The following CA4 variants were observed in gnomAD, a reference collection of about 807,000 sequenced individuals.
CA4 encodes carbonic anhydrase 4, also known as CA-IV.
A neutral mutation model predicts 34.5 loss-of-function variants in CA4; 24 were observed. The ratio of observed to expected loss-of-function variants is 0.70; its 90% CI spans 0.50 to 0.98. The LOEUF is 0.98. Ranked by LOEUF, CA4 falls within the 50% of genes least tolerant of loss-of-function variation. The pLI is 0.00. For synonymous variants in CA4, 178 were observed against 170.6 expected (o/e 1.04, Z -0.34); for missense variants, 394 against 396.7 (o/e 0.99, Z 0.06).
chr17:60,172,961 T>G (rs952212688), downstream of CA4, among the ~76,000 whole-genome samples: 1 of 151,954 alleles, frequency 6.6e-6, no homozygotes, highest in African/African-American at 2.4e-5. Context: ...CTGACCAACA[T>G]GGAGAAACCC....
In CA4 at chr17:60,157,749, C is replaced by T; in HGVS notation, c.474C>T (p.Asp158=). ...CGAGGAATGTGAAAGAGGCCCAGGACCCTGAAGACGAAATTGCGGTGCTGG... is the reference window on the plus strand; with the variant it reads ...CGAGGAATGTGAAAGAGGCCCAGGATCCTGAAGACGAAATTGCGGTGCTGG... ...GTSRNVKEAQ[D]PEDEIAVLAF... The change falls in exon 5 of 8, where the codon GAC becomes GAT. Residue 158 remains aspartate (D), a synonymous_variant. Transcript: ENST00000300900. The T allele has an allele frequency of 1.2e-6, 2 of 1,614,078 alleles. No individual in the cohort carries two copies. The highest frequency in any genetic ancestry group is 2.2e-5 in the South Asian group (2 of 91,092).
intron 1 of CA4, among the ~76,000 whole-genome samples, chr17:60,150,717 C>A (rs1030992510): frequency 2.1e-5 from 3 of 145,510 alleles, no homozygotes; most frequent in Admixed American, 6.8e-5. Context: ...CGCCTCAACG[C>A]ACGCCTTCTT....
chr17:60,177,353 T>C, the CA4 span, among the ~76,000 whole-genome samples: 1 of 152,236 alleles, frequency 6.6e-6, no homozygotes, highest in Non-Finnish European at 1.5e-5. Context: ...CTATTTTATT[T>C]ACACTCTATT....
chr17:60,172,736 TGGC>T (rs973814210), downstream of CA4, among the ~76,000 whole-genome samples: 1 of 151,864 alleles, frequency 6.6e-6, no homozygotes, highest in Non-Finnish European at 1.5e-5. Context: ...CCCAACTACT[TGGC>T]AGGCTGAGGC....
chr17:60,155,413 A>T (rs916143542), intron 2 of CA4, 46 bp downstream of exon 2: 1 of 1,525,052 alleles, frequency 6.6e-7, no homozygotes, highest in African/African-American at 1.4e-5. Context: ...CATGGTGGGC[A>T]CCACGCAAGC....
chr17:60,171,281 C>G (rs981902690), downstream of CA4, among the ~76,000 whole-genome samples: 14 of 152,248 alleles, frequency 9.2e-5, 1 homozygote, highest in Admixed American at 3.9e-4. Flanking sequence ...ATTTGCAGCT[C>G]TGTGCTGCAG....
downstream of CA4, among the ~76,000 whole-genome samples, chr17:60,163,541 G>A (rs1598002943): frequency 2.0e-5 from 3 of 152,160 alleles, no homozygotes; most frequent in East Asian, 1.9e-4. Context: ...CCTGCACCTC[G>A]CACTACACAT....
intron 1 of CA4, among the ~76,000 whole-genome samples, chr17:60,150,580 C>G (rs1012782361): frequency 4.8e-5 from 7 of 146,842 alleles, no homozygotes; most frequent in South Asian, 2.1e-4. Flanking sequence ...GGCTGAGGCC[C>G]GAGAATCGCT....
chr17:60,159,214 C>T lies in CA4; in HGVS notation c.745-16C>T. On this transcript the variant is annotated splice_polypyrimidine_tract_variant and intron_variant, in intron 7 of 7. Transcript: ENST00000300900. ...CTCCCCCTGCCCCGACCTGCTGAGC[C>T]CCATCACTTCCGCAGATCCTGGCAT... The T allele has an allele frequency of 6.3e-7, 1 of 1,586,772 alleles. No individual in the cohort carries two copies. Among genetic ancestry groups the T allele is most frequent in the Non-Finnish European group, 8.6e-7 (1 of 1,166,774 alleles).
intron 5 of CA4, among the ~76,000 whole-genome samples, chr17:60,166,179 A>G (rs2145302251): frequency 6.6e-6 from 1 of 152,264 alleles, no homozygotes; most frequent in East Asian, 1.9e-4. Context: ...GGCAGCTGGG[A>G]GGGCATTGGA....
At chr17:60,170,215 G>T (rs2083900485) in intron 5 of CA4, among the ~76,000 whole-genome samples, 1 of 152,204 alleles carries the variant, frequency 6.6e-6, no homozygotes, top group South Asian at 2.1e-4. Flanking sequence ...GAAAGGCCAG[G>T]AAGGAAAAGG....
intron 1 of CA4, among the ~76,000 whole-genome samples, chr17:60,150,333 G>C (rs961518040): frequency 6.6e-6 from 1 of 152,198 alleles, no homozygotes; most frequent in East Asian, 1.9e-4. Flanking sequence ...GCGCGGTGAG[G>C]GTGTGTGCGC....
At chr17:60,155,815 TAAA>T (rs1192557832) in intron 2 of CA4, among the ~76,000 whole-genome samples, 1 of 152,204 alleles carries the variant, frequency 6.6e-6, no homozygotes, top group Non-Finnish European at 1.5e-5. Flanking sequence ...GTAGCAGCAT[TAAA>T]GGAAGAAAGG....
At chr17:60,174,168 C>G (rs2083937290), downstream of CA4, among the ~76,000 whole-genome samples, 3 of 151,610 alleles carry the variant, frequency 2.0e-5, no homozygotes, top group South Asian at 6.2e-4. Context: ...CGTTAGAAAT[C>G]TGAAAACTTT....
downstream of CA4, among the ~76,000 whole-genome samples, chr17:60,172,805 C>T (rs1473370471): frequency 6.6e-5 from 10 of 151,796 alleles, no homozygotes; most frequent in African/African-American, 2.2e-4. Context: ...GATAGTGCCA[C>T]TTCACTCCAG....
chr17:60,176,064 C>A, the CA4 span, among the ~76,000 whole-genome samples: 2 of 152,132 alleles, frequency 1.3e-5, no homozygotes, highest in Non-Finnish European at 2.9e-5. Flanking sequence ...GATCCACCTG[C>A]TTTGGCCTTC....
At chr17:60,150,693 A>T (rs999822512) in intron 1 of CA4, among the ~76,000 whole-genome samples, 1 of 118,798 alleles carries the variant, frequency 8.4e-6, no homozygotes, top group Non-Finnish European at 1.7e-5. Context: ...AAAAAAAAGG[A>T]TGCTTCTCGG....
At chr17:60,169,104 G>A (rs547577149) in intron 5 of CA4, among the ~76,000 whole-genome samples, 12 of 152,030 alleles carry the variant, frequency 7.9e-5, no homozygotes, top group African/African-American at 2.7e-4. Flanking sequence ...AAAATTAGCC[G>A]GGCATGGTGG....
chr17:60,167,205 T>TGTTCTGTGTTTCTA lies in CA4; in HGVS notation c.*179-3345_*179-3332dup, dbSNP rs2145304400. On this transcript the variant is annotated intron_variant and NMD_transcript_variant, in intron 5 of 5. Transcript: ENST00000586876. The stretch of plus-strand genomic sequence containing the variant: ...GTGCTGCTGGCCTCCAAGTGTTTCT[T>TGTTCTGTGTTTCTA]GTTCTGTGTTTCTACATGGACGCTT... 1.3e-5 allele frequency among the ~76,000 whole-genome samples: 2 copies of TGTTCTGTGTTTCTA among 152,326 alleles called. 1 individual carries two copies. The highest frequency in any genetic ancestry group is 4.1e-4 in the South Asian group (2 of 4,830).
Sources: gnomAD v4.1 joint callset for allele counts (sites outside exome capture counted in the v4.1 genomes callset) on GRCh38, gnomAD v4.1.1 for gene constraint, MANE v1.5 for transcripts, NCBI Gene and HGNC (gene_info 2026-07-23, HGNC 2026-07-21) for gene names.